The following FNIP2 variants were observed in gnomAD, a reference collection of about 807,000 sequenced individuals.
FNIP2 encodes folliculin-interacting protein 2.
In FNIP2, 32 loss-of-function variants were observed where a neutral mutation model predicts 108.7. The ratio of observed to expected loss-of-function variants is 0.29; its 90% CI spans 0.22 to 0.40. The LOEUF is 0.40. Ranked by LOEUF, FNIP2 falls within the 10% of genes least tolerant of loss-of-function variation. The probability of loss-of-function intolerance (pLI) is 1.00; values close to 1 mark genes in which losing one functional copy is unlikely to be tolerated. For synonymous variants in FNIP2, 480 were observed against 496.7 expected (o/e 0.97, Z 0.45); for missense variants, 1,202 against 1,381.6 (o/e 0.87, Z 2.06).
At chr4:158,893,528 A>C in intron 15 of FNIP2, 1 of 562,732 alleles carries the variant, frequency 1.8e-6, no homozygotes, top group Non-Finnish European at 3.2e-6. Context: ...AAAGACTGAC[A>C]ACACCTTTTT....
chr4:158,824,237 G>GT (rs1054160580), intron 1 of FNIP2, among the ~76,000 whole-genome samples: 5 of 152,226 alleles, frequency 3.3e-5, no homozygotes, highest in Non-Finnish European at 7.3e-5. Flanking sequence ...TTTACGCTTT[G>GT]TAGGACAGCT....
At chr4:158,870,592 G>A (rs1780887169) in intron 14 of FNIP2, 123 bp downstream of exon 14, 1 of 1,285,614 alleles carries the variant, frequency 7.8e-7, no homozygotes, top group Non-Finnish European at 1.1e-6. Flanking sequence ...ATGTGGGCAG[G>A]GTTATGGGAA....
In FNIP2 at chr4:158,825,789, T is replaced by C. The variant is rs966568054; in HGVS notation, c.108-127T>C. 3.5e-6 allele frequency: 4 copies of C among 1,134,744 alleles called. No individual in the cohort carries two copies. In the African/African-American group the frequency reaches 4.6e-5, roughly 13 times the overall value. The allele number at this position is 1,134,744 out of a possible 1,614,324, so 70.3% of individuals were successfully genotyped here. ...CACTGGTGCCCCAGTTCTGAGGGGA[T>C]CACTAGCCCTGCATGCTTGTGGCCT... On this transcript the variant is annotated intron_variant, in intron 1 of 16. Coordinates refer to ENST00000264433, the MANE Select transcript of FNIP2 (RefSeq NM_020840.3).
chr4:158,896,715 A>G (rs1225037109), intron 16 of FNIP2, among the ~76,000 whole-genome samples: 2 of 150,890 alleles, frequency 1.3e-5, no homozygotes, highest in African/African-American at 4.9e-5. Flanking sequence ...CTTTATTTAC[A>G]AAGTATTTCC....
chr4:158,882,419 T>TG (rs1412697008), intron 14 of FNIP2, among the ~76,000 whole-genome samples: 78 of 149,296 alleles, frequency 5.2e-4, no homozygotes, highest in African/African-American at 1.5e-3. Flanking sequence ...GTCCGGGAGG[T>TG]GGGGGGTGCC....
chr4:158,801,327 T>C (rs1479468500), intron 1 of FNIP2, among the ~76,000 whole-genome samples: 3 of 152,166 alleles, frequency 2.0e-5, no homozygotes, highest in Admixed American at 2.0e-4. Context: ...TTGGGCCTTG[T>C]CCTCAGAGGA....
At chr4:158,873,346 TGTG>T (rs752933088) in intron 14 of FNIP2, among the ~76,000 whole-genome samples, 31 of 152,242 alleles carry the variant, frequency 2.0e-4, no homozygotes, top group East Asian at 3.9e-4. Flanking sequence ...GTAAATTAAA[TGTG>T]GTGGTTTTTT....
At chr4:158,841,776 T>G (rs1779146135) in intron 7 of FNIP2, among the ~76,000 whole-genome samples, 2 of 152,242 alleles carry the variant, frequency 1.3e-5, no homozygotes, top group Admixed American at 6.5e-5. Context: ...AGACTAGAGC[T>G]GCAGTATATA....
intron 1 of FNIP2, among the ~76,000 whole-genome samples, chr4:158,786,855 T>G (rs1311723957): frequency 6.6e-6 from 1 of 152,200 alleles, no homozygotes. Flanking sequence ...CTCTTCATGA[T>G]GCTATATTTT....
intron 6 of FNIP2, chr4:158,833,976 C>A (rs1305803159): frequency 2.3e-6 from 2 of 857,720 alleles, no homozygotes; most frequent in Non-Finnish European, 3.1e-6. Context: ...ACTTGTGCCT[C>A]TCTAGAAATC....
chr4:158,891,656 G>A lies in FNIP2; in HGVS notation c.3150+10G>A. On this transcript the variant is annotated intron_variant, in intron 15 of 16. Coordinates refer to ENST00000264433, the MANE Select transcript of FNIP2 (RefSeq NM_020840.3). ...CCTCCCTGCTGATTTTGTAAGTACT[G>A]GTTCTTATATCACCAAAGAAATCTA... is the stretch of plus-strand genomic sequence containing the variant. The A allele has an allele frequency of 6.3e-7, 1 of 1,596,090 alleles. No homozygotes were observed. Among genetic ancestry groups the A allele is most frequent in the Non-Finnish European group, 8.6e-7 (1 of 1,168,110 alleles).
chr4:158,835,538 G>A, intron 7 of FNIP2, 62 bp downstream of exon 7: 1 of 1,496,278 alleles, frequency 6.7e-7, no homozygotes, highest in Middle Eastern at 1.7e-4. Context: ...GGTGTGGAAG[G>A]TGGGAAAGTA....
intron 7 of FNIP2, among the ~76,000 whole-genome samples, chr4:158,847,921 A>G (rs1175529144): frequency 2.0e-5 from 3 of 152,202 alleles, no homozygotes; most frequent in Non-Finnish European, 4.4e-5. Flanking sequence ...GCCTGGGGAC[A>G]GGAGAGGGAA....
rs544378360 is a variant in FNIP2, at chr4:158,905,400, T to G, written c.*856T>G. ...AAAGTTATTTCTATAAGCTCAAGAGTGTTTCGGTTGGTAAGTTCTTCCAGC... is the reference window on the plus strand; with the variant it reads ...AAAGTTATTTCTATAAGCTCAAGAGGGTTTCGGTTGGTAAGTTCTTCCAGC... On this transcript the variant is annotated 3_prime_UTR_variant, in exon 17 of 17. Coordinates refer to ENST00000264433, the MANE Select transcript of FNIP2 (RefSeq NM_020840.3). 1.1e-4 allele frequency: 16 copies of G among 152,184 alleles called. No homozygotes were observed. The highest frequency in any genetic ancestry group is 3.4e-3 in the Middle Eastern group (1 of 294). The allele number at this position is 152,184 out of a possible 1,614,324, so 9.4% of individuals were successfully genotyped here. A position where few individuals can be genotyped will look rare whatever the true frequency, so the allele number is the denominator to read the frequency against.
At chr4:158,865,060 C>T (rs1238618751) in intron 12 of FNIP2, among the ~76,000 whole-genome samples, 1 of 152,176 alleles carries the variant, frequency 6.6e-6, no homozygotes, top group Non-Finnish European at 1.5e-5. Flanking sequence ...AGCACCTTTC[C>T]TGCTTCCATG....
chr4:158,861,628 T>G lies in FNIP2; in HGVS notation c.1317T>G (p.Thr439=), dbSNP rs1411722979. 3 of 1,614,042 alleles carry G rather than the reference T, an allele frequency of 1.9e-6. No individual in the cohort carries two copies. Among genetic ancestry groups the G allele is most frequent in the Non-Finnish European group, 2.5e-6 (3 of 1,179,898 alleles). The change falls in exon 12 of 17, where the codon ACT becomes ACG. Residue 439 remains threonine, a synonymous_variant. Transcript: ENST00000264433. The part of the protein sequence containing the change: ...NKNQFFAALL[T]AVLTYHLAWV... ...CAAGGTTTTTTGCTGCCTTACTGAC[T>G]GCGGTGTTAACCTACCACCTGGCCT...
rs770798770 is a variant in FNIP2 at position 158,832,100 on chromosome 4, C to T, written c.516C>T (p.Phe172=). The change falls in exon 5 of 17, where the codon TTC becomes TTT. Residue 172 remains phenylalanine (F), a synonymous_variant. Coordinates refer to ENST00000264433, the MANE Select transcript of FNIP2 (RefSeq NM_020840.3). ...SPPQLMISKV[F]SARMGSFCGS... is the part of the protein sequence containing the mutation. ...CACAACTGATGATTAGTAAAGTCTT[C>T]TCTGCTAGAATGGGCAGCTTCTGTG... 6.8e-6 allele frequency: 11 copies of T among 1,613,868 alleles called. No homozygotes were observed. The South Asian group carries it at 1.2e-4, about 18-fold the overall frequency.
chr4:158,814,936 T>TA (rs1722159064), intron 1 of FNIP2, among the ~76,000 whole-genome samples: 1 of 152,124 alleles, frequency 6.6e-6, no homozygotes, highest in Non-Finnish European at 1.5e-5. Context: ...TCTTTGGGTT[T>TA]AAAAAAATAG....
At position 158,881,196 on chromosome 4, in the gene FNIP2, G is replaced by GGTCTCCCTCTCCCTCTCTTTCCACA. The variant is rs1365034878; in HGVS notation, c.2950-10226_2950-10225insAGTCTCCCTCTCCCTCTCTTTCCAC. Among the ~76,000 whole-genome samples the GGTCTCCCTCTCCCTCTCTTTCCACA allele has an allele frequency of 4.3e-4, 64 of 148,168 alleles. 6 individuals are homozygous for GGTCTCCCTCTCCCTCTCTTTCCACA. In the East Asian group the frequency reaches 5.8e-3, roughly 13 times the overall value. On this transcript the variant is annotated intron_variant, in intron 14 of 16. Transcript: ENST00000264433. ...CCTCTCCCTCTCCGTCTCCCTCCAC[G>GGTCTCCCTCTCCCTCTCTTTCCACA]GTCTCCCTCTCCCTCTCTTTCCACG...
Sources: gnomAD v4.1 joint callset for allele counts (sites outside exome capture counted in the v4.1 genomes callset) on GRCh38, gnomAD v4.1.1 for gene constraint, MANE v1.5 for transcripts, NCBI Gene and HGNC (gene_info 2026-07-23, HGNC 2026-07-21) for gene names.